Variants in ADGRB3 observed in about 807,000 individuals in gnomAD.
ADGRB3 encodes the protein adhesion G protein-coupled receptor B3.
A neutral mutation model predicts 193.4 loss-of-function variants in ADGRB3; 37 were observed. That is an observed-to-expected ratio of 0.19 (90% CI 0.15 to 0.25). The LOEUF (loss-of-function observed/expected upper bound fraction) is 0.25. Ranked by LOEUF, ADGRB3 falls within the 10% of genes least tolerant of loss-of-function variation. The pLI, the probability that ADGRB3 is intolerant of heterozygous loss-of-function variation, is 1.00. For synonymous variants in ADGRB3, 690 were observed against 644.2 expected, an observed-to-expected ratio of 1.07 and a Z score of -1.08; for missense variants, 1,637 against 1,852.9, an observed-to-expected ratio of 0.88 and a Z score of 2.14.
intron 3 of ADGRB3, among the ~76,000 whole-genome samples, chr6:68,897,317 G>A (rs867457418): frequency 6.6e-6 from 1 of 150,624 alleles, no homozygotes; most frequent in African/African-American, 2.4e-5. Flanking sequence ...CCATGACAGC[G>A]CCACTTGTAT....
At chr6:68,850,499 G>A (rs896242615) in intron 3 of ADGRB3, among the ~76,000 whole-genome samples, 1 of 151,924 alleles carries the variant, frequency 6.6e-6, no homozygotes, top group Non-Finnish European at 1.5e-5. Flanking sequence ...CTTTGTGGGA[G>A]GGTTGTGGGG....
intron 20 of ADGRB3, among the ~76,000 whole-genome samples, chr6:69,324,545 G>C (rs1412321424): frequency 6.6e-6 from 1 of 151,960 alleles, no homozygotes; most frequent in African/African-American, 2.4e-5. Context: ...TTAAATCAAA[G>C]AAAAGAGAAT....
At chr6:68,801,911 C>T (rs1253909789) in intron 3 of ADGRB3, among the ~76,000 whole-genome samples, 1 of 152,014 alleles carries the variant, frequency 6.6e-6, no homozygotes, top group Non-Finnish European at 1.5e-5. Flanking sequence ...GACCTCTTTC[C>T]CACATAGACT....
chr6:69,169,286 C>G (rs531101124), intron 17 of ADGRB3, among the ~76,000 whole-genome samples: 9 of 152,114 alleles, frequency 5.9e-5, no homozygotes, highest in African/African-American at 1.9e-4. Flanking sequence ...TAGCCCACAT[C>G]TAGCAAGTAT....
chr6:68,824,636 ATG>A (rs1371312257), intron 3 of ADGRB3, among the ~76,000 whole-genome samples: 1 of 148,254 alleles, frequency 6.7e-6, no homozygotes, highest in Admixed American at 6.8e-5. Context: ...TATATTATAT[ATG>A]TGTTATATAT....
At chr6:68,812,616 G>A (rs1243101752) in intron 3 of ADGRB3, among the ~76,000 whole-genome samples, 1 of 152,046 alleles carries the variant, frequency 6.6e-6, no homozygotes, top group African/African-American at 2.4e-5. Flanking sequence ...GATTTATTAG[G>A]TGATTAACTG....
intron 3 of ADGRB3, among the ~76,000 whole-genome samples, chr6:68,663,327 A>T (rs1768715187): frequency 6.6e-6 from 1 of 151,718 alleles, no homozygotes; most frequent in African/African-American, 2.4e-5. Flanking sequence ...TTTCATTTAG[A>T]TTTTAAAAAT....
At chr6:68,913,214 A>G (rs972346656) in intron 3 of ADGRB3, among the ~76,000 whole-genome samples, 4 of 152,174 alleles carry the variant, frequency 2.6e-5, no homozygotes, top group African/African-American at 9.7e-5. Context: ...GCACAGATGG[A>G]TATCTGAGAA....
chr6:68,789,762 C>T (rs1767061619), intron 3 of ADGRB3, among the ~76,000 whole-genome samples: 1 of 152,192 alleles, frequency 6.6e-6, no homozygotes, highest in Admixed American at 6.5e-5. Flanking sequence ...CAACTTGGTT[C>T]CATTCTCCCC....
At chr6:68,762,975 C>G (rs1332614925) in intron 3 of ADGRB3, among the ~76,000 whole-genome samples, 2 of 152,194 alleles carry the variant, frequency 1.3e-5, no homozygotes, top group African/African-American at 4.8e-5. Flanking sequence ...TCCATACATT[C>G]ATTTAAAACA....
intron 11 of ADGRB3, among the ~76,000 whole-genome samples, chr6:68,998,651 A>G (rs1769465495): frequency 6.6e-6 from 1 of 152,236 alleles, no homozygotes; most frequent in South Asian, 2.1e-4. Context: ...ATCAAAGCCT[A>G]TATATGATAC....
chr6:69,069,097 A>G (rs1425196779), intron 16 of ADGRB3, among the ~76,000 whole-genome samples: 1 of 152,162 alleles, frequency 6.6e-6, no homozygotes, highest in Non-Finnish European at 1.5e-5. Flanking sequence ...CTGTCCCTTA[A>G]AAACTGAACA....
intron 6 of ADGRB3, among the ~76,000 whole-genome samples, chr6:68,952,655 A>AG (rs1474904639): frequency 6.6e-6 from 1 of 152,186 alleles, no homozygotes; most frequent in African/African-American, 2.4e-5. Flanking sequence ...TAATAAAAAA[A>AG]AATTAAAAAG....
At chr6:69,346,269 T>C (rs1769086127) in intron 26 of ADGRB3, among the ~76,000 whole-genome samples, 1 of 152,138 alleles carries the variant, frequency 6.6e-6, no homozygotes, top group African/African-American at 2.4e-5. Flanking sequence ...AAAAAGAGCC[T>C]GTATAGCCAA....
At chr6:68,696,401 T>G (rs1406047969) in intron 3 of ADGRB3, among the ~76,000 whole-genome samples, 1 of 151,596 alleles carries the variant, frequency 6.6e-6, no homozygotes, top group Non-Finnish European at 1.5e-5. Flanking sequence ...TTTTGAAAAT[T>G]GACATTTGCC....
At chr6:69,191,132 G>T (rs1291432450) in intron 17 of ADGRB3, among the ~76,000 whole-genome samples, 3 of 152,072 alleles carry the variant, frequency 2.0e-5, no homozygotes, top group Non-Finnish European at 4.4e-5. Context: ...CTGCCTATTG[G>T]CAGCCTCCAA....
intron 23 of ADGRB3, 90 bp downstream of exon 23, chr6:69,330,662 G>T: frequency 1.9e-6 from 2 of 1,071,492 alleles, no homozygotes; most frequent in South Asian, 1.7e-5. Context: ...TGATAATGTA[G>T]TTCTTGTGTA....
chr6:68,861,276 CTAAT>C (rs1178376585), intron 3 of ADGRB3, among the ~76,000 whole-genome samples: 1 of 152,102 alleles, frequency 6.6e-6, no homozygotes, highest in East Asian at 1.9e-4. Context: ...TACCATCTGT[CTAAT>C]TAAAATATTC....
At chr6:69,277,502 C>A (rs980660288) in intron 20 of ADGRB3, among the ~76,000 whole-genome samples, 1 of 152,128 alleles carries the variant, frequency 6.6e-6, no homozygotes, top group African/African-American at 2.4e-5. Flanking sequence ...TTGGCACACC[C>A]TAAGGAGATC....
Sources: gnomAD v4.1 joint callset for allele counts (sites outside exome capture counted in the v4.1 genomes callset) on GRCh38, gnomAD v4.1.1 for gene constraint, MANE v1.5 for transcripts, NCBI Gene and HGNC (gene_info 2026-07-23, HGNC 2026-07-21) for gene names.